The following XKR6 variants were observed in gnomAD, a reference collection of about 807,000 sequenced individuals.
XKR6 encodes XK-related protein 6.
Under a neutral mutation model 56.7 loss-of-function variants are expected in XKR6, and 22 were observed. The ratio of observed to expected loss-of-function variants is 0.39; its 90% CI spans 0.28 to 0.55. XKR6 has a LOEUF of 0.55. XKR6 is among the 20% of genes least tolerant of loss of function. XKR6 has a pLI of 0.66. For missense variants in XKR6, 852 were observed against 889.0 expected (o/e 0.96, Z 0.53); for synonymous variants, 524 against 387.8 (o/e 1.35, Z -4.13).
Position 11,028,435 on chromosome 8 carries a change from C to A in XKR6, c.765-103605G>T, listed in dbSNP as rs1399952907. ...GCATCTGTATGCAGATTTTTGTGGA[C>A]ATAATTTTCAATTCCTTTGGGTAAA... is the stretch of plus-strand genomic sequence containing the variant. On this transcript the variant is annotated intron_variant, in intron 1 of 2. Coordinates refer to ENST00000416569, the MANE Select transcript of XKR6 (RefSeq NM_173683.4). Among the ~76,000 whole-genome samples, 6 of 152,138 alleles carry A rather than the reference C, an allele frequency of 3.9e-5. No homozygotes were observed. The East Asian group carries it at 1.2e-3, about 29-fold the overall frequency.
At chr8:11,101,344 C>G (rs6651506) in intron 1 of XKR6, among the ~76,000 whole-genome samples, 5,915 of 152,202 alleles carry the variant, frequency 0.039, 383 homozygotes, top group African/African-American at 0.13. Context: ...GAAAAAGATG[C>G]CGTGATTGGA....
chr8:11,147,279 C>T (rs942040334), intron 1 of XKR6, among the ~76,000 whole-genome samples: 3 of 151,986 alleles, frequency 2.0e-5, no homozygotes, highest in Non-Finnish European at 2.9e-5. Context: ...AGAACTTGTA[C>T]CTAGAATAAA....
rs185039625 is a variant in XKR6, at chr8:11,076,357, G to C, written c.764+124219C>G. Reference sequence around the variant, plus strand: ...ACAACTCAACCATACACTTAAAATTGGTTAGGATTGTAGATTTTATATTAT... The same window carrying C: ...ACAACTCAACCATACACTTAAAATTCGTTAGGATTGTAGATTTTATATTAT... On this transcript the variant is annotated intron_variant, in intron 1 of 2. Coordinates refer to ENST00000416569, the MANE Select transcript of XKR6 (RefSeq NM_173683.4). Among the ~76,000 whole-genome samples, 3 of 152,254 alleles carry C rather than the reference G, an allele frequency of 2.0e-5. No homozygotes were observed. The South Asian group carries it at 6.2e-4, about 32-fold the overall frequency.
intron 1 of XKR6, among the ~76,000 whole-genome samples, chr8:10,987,893 G>A (rs757145348): frequency 6.6e-6 from 1 of 152,176 alleles, no homozygotes; most frequent in Non-Finnish European, 1.5e-5. Context: ...CTGTCTCACA[G>A]CACCTGCAGG....
At chr8:11,193,104 TC>T (rs1803671263) in intron 1 of XKR6, among the ~76,000 whole-genome samples, 1 of 152,118 alleles carries the variant, frequency 6.6e-6, no homozygotes, top group Non-Finnish European at 1.5e-5. Context: ...ACCCTACCTT[TC>T]CTCCAAGAGG....
intron 1 of XKR6, among the ~76,000 whole-genome samples, chr8:10,951,299 G>GTGTGTGTGTGTGTGTGTGTGTGTGT (rs762396240): frequency 7.7e-5 from 9 of 117,580 alleles, no homozygotes; most frequent in African/African-American, 9.8e-5. Context: ...GTGTGTGTGT[G>GTGTGTGTGTGTGTGTGTGTGTGTGT]GGGGGGGGGG....
intron 1 of XKR6, among the ~76,000 whole-genome samples, chr8:11,182,412 A>G (rs1803038105): frequency 6.6e-6 from 1 of 152,240 alleles, no homozygotes; most frequent in Non-Finnish European, 1.5e-5. Flanking sequence ...CTAACTTTGT[A>G]CCTGGTCATG....
rs138389532 is a variant in XKR6, at chr8:11,125,499, C to A, written c.764+75077G>T. On this transcript the variant is annotated intron_variant, in intron 1 of 2. Transcript: ENST00000416569. The stretch of plus-strand genomic sequence containing the variant: ...GGGAGCTTACTAGGCAGGAAACATA[C>A]AGAATTGTGAAGTTTTGTTGCAGGG... Among the ~76,000 whole-genome samples the A allele has an allele frequency of 6.9e-4, 105 of 152,228 alleles. No individual in the cohort carries two copies. The Middle Eastern group carries it at 0.014, about 20-fold the overall frequency.
At chr8:11,144,488 G>C (rs1337021423) in intron 1 of XKR6, among the ~76,000 whole-genome samples, 2 of 151,864 alleles carry the variant, frequency 1.3e-5, no homozygotes, top group Admixed American at 6.6e-5. Flanking sequence ...GGAAATGAAA[G>C]GACCACGTAA....
At chr8:11,019,115 T>C (rs4307299) in intron 1 of XKR6, among the ~76,000 whole-genome samples, 66,805 of 152,008 alleles carry the variant, frequency 0.44, 15,345 homozygotes, top group East Asian at 0.8. Context: ...ATCACTGAGA[T>C]CTAAGTGTGG....
intron 1 of XKR6, among the ~76,000 whole-genome samples, chr8:11,068,064 G>A (rs190473490): frequency 1.2e-4 from 18 of 152,342 alleles, no homozygotes; most frequent in East Asian, 5.8e-4. Flanking sequence ...CTCCAGGGCC[G>A]GCCTCAGCAC....
At chr8:11,128,098 C>T (rs1799920301) in intron 1 of XKR6, among the ~76,000 whole-genome samples, 2 of 152,104 alleles carry the variant, frequency 1.3e-5, no homozygotes, top group African/African-American at 2.4e-5. Flanking sequence ...TAATACGGGA[C>T]TAATTAAACA....
chr8:11,035,127 C>CATG (rs1163691547), intron 1 of XKR6: 1 of 509,742 alleles, frequency 2.0e-6, no homozygotes, highest in East Asian at 6.0e-5. Flanking sequence ...AAAGGGCTGC[C>CATG]ATGAGGTCGA....
chr8:11,043,640 T>C (rs969028014), intron 1 of XKR6, among the ~76,000 whole-genome samples: 7 of 152,316 alleles, frequency 4.6e-5, no homozygotes, highest in South Asian at 4.1e-4. Context: ...ACCTGAGAAC[T>C]AAAAATAAAA....
At chr8:11,190,202 A>AG (rs1314509398) in intron 1 of XKR6, among the ~76,000 whole-genome samples, 2 of 100,016 alleles carry the variant, frequency 2.0e-5, no homozygotes, top group Non-Finnish European at 3.8e-5. Flanking sequence ...AAAGAAAGAA[A>AG]GAAAAGAAAG....
intron 1 of XKR6, among the ~76,000 whole-genome samples, chr8:11,012,512 A>G (rs1798523880): frequency 6.6e-6 from 1 of 152,126 alleles, no homozygotes; most frequent in Admixed American, 6.5e-5. Context: ...CACCATCACC[A>G]TCACCATCGA....
chr8:11,177,353 A>G (rs1157163083), intron 1 of XKR6, among the ~76,000 whole-genome samples: 1 of 152,206 alleles, frequency 6.6e-6, no homozygotes, highest in Non-Finnish European at 1.5e-5. Context: ...TCAAGGAAGC[A>G]AACTGCCTTC....
intron 1 of XKR6, among the ~76,000 whole-genome samples, chr8:11,053,477 G>A (rs780719219): frequency 6.6e-6 from 1 of 152,198 alleles, no homozygotes; most frequent in Non-Finnish European, 1.5e-5. Context: ...CCCATTCCCA[G>A]ACAGAGGAGG....
At chr8:11,033,154 A>G (rs1010441124) in intron 1 of XKR6, among the ~76,000 whole-genome samples, 8 of 151,988 alleles carry the variant, frequency 5.3e-5, no homozygotes, top group African/African-American at 1.9e-4. Flanking sequence ...AATGGTGATG[A>G]AGGGGTTGAT....
Sources: allele counts gnomAD v4.1 joint callset (sites outside exome capture counted in the v4.1 genomes callset), GRCh38; gene constraint gnomAD v4.1.1; transcripts MANE v1.5; gene names NCBI Gene and HGNC (gene_info 2026-07-23, HGNC 2026-07-21).